The following SND1 variants were observed in gnomAD, a reference collection of about 807,000 sequenced individuals.
SND1 encodes the protein staphylococcal nuclease domain-containing protein 1.
Under a neutral mutation model 121.7 loss-of-function variants are expected in SND1, and 38 were observed. That is an observed-to-expected ratio of 0.31 (90% confidence interval 0.24 to 0.41). SND1 has a LOEUF of 0.41. Ranked by LOEUF, SND1 falls within the 10% of genes least tolerant of loss-of-function variation. The pLI, the probability that SND1 is intolerant of heterozygous loss-of-function variation, is 1.00. For synonymous variants in SND1, 401 were observed against 447.4 expected (o/e 0.90, Z 1.31); for missense variants, 868 against 1,184.6 (o/e 0.73, Z 3.92).
intron 10 of SND1, among the ~76,000 whole-genome samples, chr7:127,778,009 A>G (rs1797651756): frequency 6.6e-6 from 1 of 152,156 alleles, no homozygotes; most frequent in Non-Finnish European, 1.5e-5. Context: ...TGCTAAAATG[A>G]GGTGCCCTTC....
At chr7:128,049,691 C>T (rs563055571) in intron 16 of SND1, among the ~76,000 whole-genome samples, 17 of 152,240 alleles carry the variant, frequency 1.1e-4, no homozygotes, top group African/African-American at 3.9e-4. Context: ...AGCTGCATGG[C>T]CTTAGACCTA....
At chr7:127,775,302 G>A (rs1306700447) in intron 10 of SND1, among the ~76,000 whole-genome samples, 1 of 151,382 alleles carries the variant, frequency 6.6e-6, no homozygotes, top group Non-Finnish European at 1.5e-5. Context: ...AGAGTTTGTG[G>A]TAATTTGTGT....
At chr7:127,736,671 C>T (rs1670845974) in intron 10 of SND1, among the ~76,000 whole-genome samples, 1 of 152,216 alleles carries the variant, frequency 6.6e-6, no homozygotes, top group South Asian at 2.1e-4. Context: ...GCAGTACACT[C>T]TCTAATCACC....
intron 9 of SND1, chr7:127,718,511 C>T (rs750704416): frequency 1.0e-5 from 10 of 953,392 alleles, no homozygotes; most frequent in Non-Finnish European, 1.2e-5. Context: ...TGCACTCACC[C>T]TTCCTATCTT....
At chr7:127,707,468 G>A in intron 8 of SND1, 89 bp from the exon 9 acceptor site, 1 of 951,188 alleles carries the variant, frequency 1.1e-6, no homozygotes, top group Non-Finnish European at 1.7e-6. Flanking sequence ...ATAGGGTAGA[G>A]TAGGATGCTG....
chr7:128,010,812 C>T (rs984942651), intron 16 of SND1, among the ~76,000 whole-genome samples: 16 of 152,178 alleles, frequency 1.1e-4, no homozygotes, highest in Admixed American at 5.2e-4. Context: ...GCCAGCCTTC[C>T]TTTACCCAGT....
chr7:127,654,920 T>C (rs1562968665), intron 1 of SND1, among the ~76,000 whole-genome samples: 1 of 152,214 alleles, frequency 6.6e-6, no homozygotes, highest in Non-Finnish European at 1.5e-5. Context: ...CAAAGTTGTA[T>C]TTTCCTGTAG....
At chr7:128,081,860 G>A (rs1265842309) in intron 18 of SND1, 8 of 544,284 alleles carry the variant, frequency 1.5e-5, no homozygotes, top group Non-Finnish European at 2.6e-5. Flanking sequence ...ATGATTTGTA[G>A]CCCCCAGAAT....
Position 128,029,162 on chromosome 7 carries a change from C to T in SND1, c.1779+38106C>T, listed in dbSNP as rs763445033. 6.2e-7 allele frequency: 1 copy of T among 1,614,072 alleles called. No individual in the cohort carries two copies. Among genetic ancestry groups the T allele is most frequent in the Non-Finnish European group, 8.5e-7 (1 of 1,180,014 alleles). On this transcript the variant is annotated intron_variant, in intron 16 of 23. Coordinates refer to ENST00000354725, the MANE Select transcript of SND1 (RefSeq NM_014390.4). This position sits in a 1 kb window ranked among gnomAD's most constrained non-coding sequence, Gnocchi z 4.2. ...TGGGCACACGGGTAGTCTGAATGAG[C>T]ACCGTGGTAGAGGTGGTATATGCCG...
intron 1 of SND1, among the ~76,000 whole-genome samples, chr7:127,672,363 G>T (rs1280983811): frequency 1.3e-5 from 2 of 152,074 alleles, no homozygotes; most frequent in African/African-American, 4.8e-5. Context: ...AGCACTTAGG[G>T]AGGCTGAGGC....
chr7:127,869,519 G>A (rs1799538727), intron 12 of SND1, among the ~76,000 whole-genome samples: 1 of 152,018 alleles, frequency 6.6e-6, no homozygotes, highest in Non-Finnish European at 1.5e-5. Context: ...TGCTTTTCTT[G>A]TCTCCTTTCA....
intron 16 of SND1, among the ~76,000 whole-genome samples, chr7:128,063,053 G>T (rs1261827514): frequency 6.6e-6 from 1 of 152,110 alleles, no homozygotes; most frequent in Non-Finnish European, 1.5e-5. Context: ...GGGCTCCGGG[G>T]GTCCAGGCTT....
At chr7:128,061,584 A>G (rs1313528991) in intron 16 of SND1, among the ~76,000 whole-genome samples, 1 of 152,200 alleles carries the variant, frequency 6.6e-6, no homozygotes, top group Non-Finnish European at 1.5e-5. Flanking sequence ...GGAGTTTGAG[A>G]GGGCTGCGGC....
At chr7:127,875,028 G>A (rs1189626960) in intron 12 of SND1, among the ~76,000 whole-genome samples, 1 of 152,098 alleles carries the variant, frequency 6.6e-6, no homozygotes, top group African/African-American at 2.4e-5. Flanking sequence ...CATTATGCTG[G>A]TGTCACTCTG....
rs186190128 is a variant in SND1, at chr7:127,822,056, T to A, written c.1242+14483T>A. ...TTATTATTTTGAGTAGATAATGCAT[T>A]TAATTGGTTTAAAATTCAAATGCTA... On this transcript the variant is annotated intron_variant, in intron 11 of 23. Coordinates refer to ENST00000354725, the MANE Select transcript of SND1 (RefSeq NM_014390.4). Among the ~76,000 whole-genome samples, 6 of 152,346 alleles carry A rather than the reference T, an allele frequency of 3.9e-5. No individual in the cohort carries two copies. The East Asian group carries it at 1.2e-3, about 29-fold the overall frequency.
chr7:127,893,475 T>C (rs1309165407), intron 13 of SND1, among the ~76,000 whole-genome samples: 1 of 152,140 alleles, frequency 6.6e-6, no homozygotes, highest in Non-Finnish European at 1.5e-5. Flanking sequence ...AGTTCAGAAG[T>C]TGGGGCTTTA....
intron 13 of SND1, among the ~76,000 whole-genome samples, chr7:127,901,024 G>A (rs1047171598): frequency 6.6e-6 from 1 of 152,198 alleles, no homozygotes; most frequent in Non-Finnish European, 1.5e-5. Context: ...ATGCAGACTT[G>A]TGGCTGAGGC....
intron 17 of SND1, among the ~76,000 whole-genome samples, chr7:128,076,161 G>C (rs1793503481): frequency 6.6e-6 from 1 of 152,170 alleles, no homozygotes; most frequent in Non-Finnish European, 1.5e-5. Context: ...AGAGACTCTA[G>C]AGGAACCCAG....
At chr7:127,863,168 G>A (rs547292603) in intron 12 of SND1, among the ~76,000 whole-genome samples, 1 of 152,142 alleles carries the variant, frequency 6.6e-6, no homozygotes, top group South Asian at 2.1e-4. Flanking sequence ...TGCTTACTGT[G>A]CGCCAGGCAC....
Sources: allele counts gnomAD v4.1 joint callset (sites outside exome capture counted in the v4.1 genomes callset), GRCh38; gene constraint gnomAD v4.1.1; non-coding constraint Gnocchi (gnomAD v3.1); transcripts MANE v1.5; gene names NCBI Gene and HGNC (gene_info 2026-07-23, HGNC 2026-07-21).